CENPF: variants seen among roughly 807,000 people sequenced by gnomAD.
CENPF encodes centromere protein F.
A neutral mutation model predicts 307.3 loss-of-function variants in CENPF; 214 were observed. That is an observed-to-expected ratio of 0.70 (90% CI 0.62 to 0.78). The LOEUF (loss-of-function observed/expected upper bound fraction) is 0.78. CENPF is among the 30% of genes least tolerant of loss of function. CENPF has a pLI of 0.00. For synonymous variants in CENPF, 1,259 were observed against 1,270.6 expected (o/e 0.99, Z 0.19); for missense variants, 3,401 against 3,483.9 (o/e 0.98, Z 0.60).
At chr1:214,632,375 G>T in intron 9 of CENPF, 105 bp from the exon 10 acceptor site, 1 of 1,210,378 alleles carries the variant, frequency 8.3e-7, no homozygotes, top group Non-Finnish European at 1.2e-6. Context: ...AAAATAGATG[G>T]CATCCATTTT....
chr1:214,608,686 G>A (rs1657108095), intron 1 of CENPF: 12 of 1,596,290 alleles, frequency 7.5e-6, no homozygotes, highest in Admixed American at 1.7e-5. Context: ...GGTCCCCAAG[G>A]GGGCGGCCCC....
chr1:214,630,774 T>G (rs1486492392), intron 9 of CENPF, 112 bp downstream of exon 9: 1 of 1,324,730 alleles, frequency 7.5e-7, no homozygotes, highest in Non-Finnish European at 1.0e-6. Flanking sequence ...GCGCTCCACC[T>G]TCACTTTCCC....
Position 214,655,311 on chromosome 1 carries a change from T to A in CENPF, c.8393T>A (p.Leu2798Ter). ...NERAQGKMKLLIKSCKQLEEE... is the reference protein window; with the variant it reads ...NERAQGKMKL ...CGTGCCCAGGGGAAAATGAAGTTGT[T>A]GATCAAATCCTGTAAACAGCTGGAA... Residue 2798 changes from leucine to a stop codon, truncating the protein, a stop_gained, in exon 17 of 20, where the codon TTG becomes TAG. Coordinates refer to ENST00000366955, the MANE Select transcript of CENPF (RefSeq NM_016343.4). LOFTEE classifies it high-confidence loss of function. The A allele has an allele frequency of 6.2e-7, 1 of 1,609,004 alleles. No individual in the cohort carries two copies.
At position 214,646,808 on chromosome 1, in the gene CENPF, TAATA is replaced by T; in HGVS notation, c.7242_7245del (p.Asn2415HisfsTer17). 6.2e-7 allele frequency: 1 copy of T among 1,610,334 alleles called. No homozygotes were observed. Among genetic ancestry groups the T allele is most frequent in the Non-Finnish European group, 8.5e-7 (1 of 1,178,858 alleles). Reference sequence around the variant, plus strand: ...CAAGAGCGAATATCTGAATTAGAAATAATAAATTCATCATTTGAAAATATTTTGC... The same window carrying T: ...CAAGAGCGAATATCTGAATTAGAAATAATTCATCATTTGAAAATATTTTGC... On this transcript the variant is annotated frameshift_variant, in exon 13 of 20. Transcript: ENST00000366955. LOFTEE classifies it high-confidence loss of function.
chr1:214,659,554 G>A lies in CENPF; in HGVS notation c.9141+526G>A, dbSNP rs1266711473. On this transcript the variant is annotated intron_variant, in intron 19 of 19. Transcript: ENST00000366955. This position sits in a 1 kb window ranked among gnomAD's most constrained non-coding sequence, Gnocchi z 4.4. ...ATACAACAGGATCTTAGTGACTTCT[G>A]TGTACCCTACAACATCCCAGAAAAT... is the stretch of plus-strand genomic sequence containing the variant. Among the ~76,000 whole-genome samples, 1 of 151,988 alleles carries A rather than the reference G, an allele frequency of 6.6e-6. No individual in the cohort carries two copies. Among genetic ancestry groups the A allele is most frequent in the Admixed American group, 6.6e-5 (1 of 15,264 alleles).
At chr1:214,662,184 A>G (rs1571732689) in intron 19 of CENPF, among the ~76,000 whole-genome samples, 1 of 152,062 alleles carries the variant, frequency 6.6e-6, no homozygotes, top group East Asian at 1.9e-4. Flanking sequence ...TGGCAAACCT[A>G]AAGATTTGTT....
chr1:214,606,982 A>T (rs867249522), intron 1 of CENPF, among the ~76,000 whole-genome samples: 3 of 151,840 alleles, frequency 2.0e-5, no homozygotes, highest in Middle Eastern at 3.4e-3. Flanking sequence ...TGGCATTCGG[A>T]CTCCACCAGC....
chr1:214,652,288 G>A (rs1157869860), intron 15 of CENPF, among the ~76,000 whole-genome samples: 1 of 151,666 alleles, frequency 6.6e-6, no homozygotes, highest in Admixed American at 6.6e-5. Context: ...GCCCACCTTG[G>A]CCTCCCAAAG....
intron 18 of CENPF, among the ~76,000 whole-genome samples, chr1:214,657,692 G>C (rs1035068243): frequency 6.6e-6 from 1 of 152,170 alleles, no homozygotes; most frequent in Non-Finnish European, 1.5e-5. Flanking sequence ...ATTAAATTAA[G>C]GACTCCCGTC....
At chr1:214,631,382 GC>G (rs1657803936) in intron 9 of CENPF, among the ~76,000 whole-genome samples, 1 of 151,994 alleles carries the variant, frequency 6.6e-6, no homozygotes, top group South Asian at 2.1e-4. Context: ...ATATCACGGG[GC>G]AGGTATCTTT....
In CENPF at chr1:214,644,539, T is replaced by A. The variant is rs763122159; in HGVS notation, c.4987-18T>A. 4 of 1,539,826 alleles carry A rather than the reference T, an allele frequency of 2.6e-6. No homozygotes were observed. In the Admixed American group the frequency reaches 6.4e-5, roughly 25 times the overall value. ...TTTGAAAAATAAAATGCATGCTTGT[T>A]ATGTATTATAATTACAGGCTATTCA... is the stretch of plus-strand genomic sequence containing the variant. On this transcript the variant is annotated intron_variant, in intron 12 of 19. Transcript: ENST00000366955.
intron 15 of CENPF, among the ~76,000 whole-genome samples, chr1:214,652,330 T>C (rs890215887): frequency 1.1e-4 from 17 of 149,738 alleles, no homozygotes; most frequent in Non-Finnish European, 1.9e-4. Context: ...CCACTGCGCC[T>C]GGCCCGGTTG....
At position 214,640,426 on chromosome 1, in the gene CENPF, G is replaced by A. The variant is rs199610174; in HGVS notation, c.2088G>A (p.Gln696=). Residue 696 remains glutamine, a synonymous_variant, in exon 12 of 20, where the codon CAG becomes CAA. Transcript: ENST00000366955. ...LDSKSVEVET[Q]KLAYMELQQK... ...GTAAGTCAGTGGAGGTAGAGACCCA[G>A]AAACTAGCTTATATGGAGCTACAGC... The A allele has an allele frequency of 1.3e-5, 21 of 1,613,902 alleles. No homozygotes were observed. The highest frequency in any genetic ancestry group is 1.1e-4 in the South Asian group (10 of 91,058).
At chr1:214,651,246 A>G (rs894052695) in intron 14 of CENPF, among the ~76,000 whole-genome samples, 2 of 152,180 alleles carry the variant, frequency 1.3e-5, no homozygotes, top group African/African-American at 4.8e-5. Context: ...GATGGGGCAA[A>G]AGATTGGAGG....
chr1:214,613,932 T>C lies in CENPF; in HGVS notation c.162+16T>C, dbSNP rs894111002. 4 of 1,597,550 alleles carry C rather than the reference T, an allele frequency of 2.5e-6. No individual in the cohort carries two copies. The highest frequency in any genetic ancestry group is 1.4e-5 in the African/African-American group (1 of 73,682). ...AAAACAGAAGGTACCCCTGAAGCTC[T>C]GGTATTTGTAGCTGTTCACTCATTA... On this transcript the variant is annotated intron_variant, in intron 2 of 19. Transcript: ENST00000366955.
At chr1:214,622,739 A>C (rs1476890891) in intron 7 of CENPF, among the ~76,000 whole-genome samples, 1 of 133,190 alleles carries the variant, frequency 7.5e-6, no homozygotes, top group Admixed American at 7.3e-5. Context: ...ATTTAGGGGG[A>C]AAAAAGATCG....
chr1:214,651,924 G>A, intron 15 of CENPF, 38 bp downstream of exon 15: 1 of 1,523,200 alleles, frequency 6.6e-7, no homozygotes, highest in South Asian at 1.3e-5. Flanking sequence ...GAGCTGGAGA[G>A]TGTATTTTGA....
rs1658171348 is a variant in CENPF, at chr1:214,642,925, C to T, written c.4587C>T (p.Ser1529=). 1.2e-6 allele frequency: 2 copies of T among 1,613,608 alleles called. No homozygotes were observed. Among genetic ancestry groups the T allele is most frequent in the Non-Finnish European group, 1.7e-6 (2 of 1,179,894 alleles). Residue 1529 remains serine, a synonymous_variant, in exon 12 of 20, where the codon AGC becomes AGT. Transcript: ENST00000366955. The part of the protein sequence containing the change: ...NQCSVDEVFC[S]SLQEENLTRK... ...GCAGTGTAGATGAAGTATTTTGCAG[C>T]AGTCTGCAGGAGGAGAATCTGACCA...
chr1:214,612,167 TGAGAGTTTTTA>T (rs1342281383), intron 1 of CENPF, among the ~76,000 whole-genome samples: 6 of 152,222 alleles, frequency 3.9e-5, no homozygotes, highest in African/African-American at 1.4e-4. Flanking sequence ...CCTAATTTAT[TGAGAGTTTTTA>T]ACGTGAAGGG....
Sources: gnomAD v4.1 joint callset for allele counts (sites outside exome capture counted in the v4.1 genomes callset) on GRCh38, gnomAD v4.1.1 for gene constraint, Gnocchi (gnomAD v3.1) non-coding constraint, MANE v1.5 for transcripts, NCBI Gene and HGNC (gene_info 2026-07-23, HGNC 2026-07-21) for gene names.